The following MDM2 variants were observed in gnomAD, a reference collection of about 807,000 sequenced individuals.
MDM2 encodes the protein E3 ubiquitin-protein ligase Mdm2.
In MDM2, 11 loss-of-function variants were observed where a neutral mutation model predicts 64.3. The ratio of observed to expected loss-of-function variants is 0.17; its 90% CI spans 0.11 to 0.28. The LOEUF (loss-of-function observed/expected upper bound fraction) is 0.28. Among genes scored for constraint, MDM2 ranks in the 10% least tolerant of loss-of-function variants. MDM2 has a pLI of 1.00. For missense variants in MDM2, 388 were observed against 577.1 expected (o/e 0.67, Z 3.36); for synonymous variants, 194 against 192.9 (o/e 1.01, Z -0.05).
At chr12:68,809,798 G>A (rs190260439) in intron 2 of MDM2, among the ~76,000 whole-genome samples, 1 of 152,274 alleles carries the variant, frequency 6.6e-6, no homozygotes, top group African/African-American at 2.4e-5. Flanking sequence ...CTAACAAGAT[G>A]AAACTGTAGT....
chr12:68,835,150 T>C (rs1486911146), intron 8 of MDM2, among the ~76,000 whole-genome samples: 1 of 152,200 alleles, frequency 6.6e-6, no homozygotes, highest in African/African-American at 2.4e-5. Flanking sequence ...AGGTTTTAGC[T>C]CAAAGTATAT....
In MDM2 at chr12:68,836,658, A is replaced by C. The variant is rs368098051; in HGVS notation, c.841-14A>C. The C allele has an allele frequency of 1.3e-6, 2 of 1,574,444 alleles. No individual in the cohort carries two copies. Among genetic ancestry groups the C allele is most frequent in the Non-Finnish European group, 1.7e-6 (2 of 1,144,364 alleles). On this transcript the variant is annotated splice_polypyrimidine_tract_variant and intron_variant, in intron 9 of 10. Coordinates refer to ENST00000258149, the MANE Select transcript of MDM2 (RefSeq NM_002392.6). ...TAGGGCGATGAATTGATGCTAATGA[A>C]TGTGTTTTATTAGGTATATCAAGTT...
chr12:68,832,575 G>A (rs1307722336), intron 8 of MDM2, among the ~76,000 whole-genome samples: 2 of 152,062 alleles, frequency 1.3e-5, no homozygotes, highest in African/African-American at 4.8e-5. Flanking sequence ...TGCAGCGCAT[G>A]ATCATGGCTT....
intron 2 of MDM2, among the ~76,000 whole-genome samples, chr12:68,812,585 A>T (rs1414158767): frequency 6.6e-6 from 1 of 152,222 alleles, no homozygotes; most frequent in East Asian, 1.9e-4. Context: ...CTGTCAGCCA[A>T]CTTTGGCCTG....
chr12:68,833,705 A>G (rs2136163610), intron 8 of MDM2, among the ~76,000 whole-genome samples: 1 of 152,240 alleles, frequency 6.6e-6, no homozygotes, highest in Admixed American at 6.5e-5. Flanking sequence ...CAACAAGTCA[A>G]CAAATAGGCA....
Position 68,813,645 on chromosome 12 carries a change from G to A in MDM2, c.174+17G>A, listed in dbSNP as rs1351364636. The A allele has an allele frequency of 4.4e-6, 7 of 1,581,362 alleles. No homozygotes were observed. The highest frequency in any genetic ancestry group is 6.1e-6 in the Non-Finnish European group (7 of 1,152,682). On this transcript the variant is annotated intron_variant, in intron 3 of 10. Coordinates refer to ENST00000258149, the MANE Select transcript of MDM2 (RefSeq NM_002392.6). ...ATGAAAGAGGTAAGCTGAATCAAGA[G>A]ATAAGTAGTATCTCACTAGTTACAT... is the stretch of plus-strand genomic sequence containing the variant.
At chr12:68,808,955 A>G (rs1880611190) in intron 1 of MDM2, 2 of 1,389,648 alleles carry the variant, frequency 1.4e-6, no homozygotes, top group African/African-American at 1.5e-5. Flanking sequence ...AAACTGCAGT[A>G]AAAGGAGTTA....
chr12:68,811,571 C>G (rs967578320), intron 2 of MDM2, among the ~76,000 whole-genome samples: 1 of 149,118 alleles, frequency 6.7e-6, no homozygotes, highest in Admixed American at 6.7e-5. Flanking sequence ...TCTTTTAAGT[C>G]ACTAATATAC....
chr12:68,839,069 T>A (rs1030615690), intron 10 of MDM2, among the ~76,000 whole-genome samples: 3 of 150,662 alleles, frequency 2.0e-5, no homozygotes, highest in Non-Finnish European at 3.0e-5. Flanking sequence ...TAAAATCTAT[T>A]CTTTTAGTAA....
chr12:68,824,551 T>C lies in MDM2; in HGVS notation c.427-4T>C. On this transcript the variant is annotated splice_polypyrimidine_tract_variant and splice_region_variant and intron_variant, in intron 6 of 10. Transcript: ENST00000258149. ...TGTATTTTATTTTTTTCCTAAATGCTTAGGACCTTGTACAAGAGCTTCAGG... is the reference window on the plus strand; with the variant it reads ...TGTATTTTATTTTTTTCCTAAATGCCTAGGACCTTGTACAAGAGCTTCAGG... The C allele has an allele frequency of 6.2e-7, 1 of 1,612,640 alleles. No homozygotes were observed. Among genetic ancestry groups the C allele is most frequent in the Non-Finnish European group, 8.5e-7 (1 of 1,179,324 alleles).
chr12:68,838,164 T>C (rs953620727), intron 10 of MDM2, among the ~76,000 whole-genome samples: 2 of 152,206 alleles, frequency 1.3e-5, no homozygotes. Context: ...GAAGAATGAA[T>C]AGTCTATCTT....
chr12:68,832,945 C>A (rs1392442111), intron 8 of MDM2, among the ~76,000 whole-genome samples: 2 of 149,806 alleles, frequency 1.3e-5, no homozygotes, highest in East Asian at 3.9e-4. Context: ...GCTAACACGG[C>A]GAAACCCCGT....
chr12:68,847,145 T>TAC (rs926958796), downstream of MDM2: 2 of 99,874 alleles, frequency 2.0e-5, no homozygotes, highest in East Asian at 2.3e-4. Context: ...ATACATATAT[T>TAC]ACATATATAT....
At chr12:68,826,264 G>A (rs1414875564) in intron 7 of MDM2, among the ~76,000 whole-genome samples, 1 of 151,986 alleles carries the variant, frequency 6.6e-6, no homozygotes, top group Non-Finnish European at 1.5e-5. Flanking sequence ...TTACTCATCA[G>A]TGCTAATAAC....
intron 8 of MDM2, among the ~76,000 whole-genome samples, chr12:68,834,769 T>G (rs920212448): frequency 2.0e-5 from 3 of 152,132 alleles, no homozygotes; most frequent in African/African-American, 7.2e-5. Flanking sequence ...TGATGTTGTT[T>G]AAGGTTAAAT....
At chr12:68,815,143 G>T (rs1316820527) in intron 3 of MDM2, among the ~76,000 whole-genome samples, 2 of 152,142 alleles carry the variant, frequency 1.3e-5, no homozygotes, top group Non-Finnish European at 2.9e-5. Flanking sequence ...AGGTTAAATG[G>T]TATTTTTAAG....
downstream of MDM2, chr12:68,847,547 A>G (rs1390229083): frequency 3.0e-5 from 4 of 131,738 alleles, no homozygotes; most frequent in Non-Finnish European, 4.6e-5. Flanking sequence ...TCCGCCTCCC[A>G]GGTTCACGCC....
At chr12:68,849,401 TG>T (rs66580822), downstream of MDM2, 46,455 of 137,194 alleles carry the variant, frequency 0.34, 8,213 homozygotes, top group East Asian at 0.55. Flanking sequence ...TTTTTTTTTT[TG>T]TTGTTGTTGT....
At chr12:68,838,123 G>A (rs774326816) in intron 10 of MDM2, among the ~76,000 whole-genome samples, 1 of 152,014 alleles carries the variant, frequency 6.6e-6, no homozygotes, top group South Asian at 2.1e-4. Context: ...TTTATGAGCT[G>A]TGAAAAACCC....
Sources: allele counts gnomAD v4.1 joint callset (sites outside exome capture counted in the v4.1 genomes callset), GRCh38; gene constraint gnomAD v4.1.1; transcripts MANE v1.5; gene names NCBI Gene and HGNC (gene_info 2026-07-23, HGNC 2026-07-21).